The following RPS6KA6 variants were observed in gnomAD, a reference collection of about 807,000 sequenced individuals.
RPS6KA6 encodes the protein ribosomal protein S6 kinase alpha-6.
Under a neutral mutation model 65.4 loss-of-function variants are expected in RPS6KA6, and 27 were observed. The observed-to-expected ratio is 0.41, with a 90% CI of 0.30 to 0.57. The LOEUF is 0.57. Among genes scored for constraint, RPS6KA6 ranks in the 20% least tolerant of loss-of-function variants. The probability of loss-of-function intolerance (pLI) is 0.24; values close to 1 mark genes in which losing one functional copy is unlikely to be tolerated. For synonymous variants in RPS6KA6, 190 were observed against 184.2 expected, an observed-to-expected ratio of 1.03 and a Z score of -0.26; for missense variants, 486 against 555.6, an observed-to-expected ratio of 0.87 and a Z score of 1.26.
Position 84,058,993 on chromosome X carries a change from C to G in RPS6KA6, c.*5284G>C, listed in dbSNP as rs1287170788. The G allele has an allele frequency of 1.2e-4, 13 of 105,953 alleles. No individual in the cohort carries two copies. The highest frequency in any genetic ancestry group is 2.3e-4 in the Non-Finnish European group (12 of 51,619). The allele number at this position is 105,953 out of a possible 1,213,427, so 8.7% of individuals were successfully genotyped here. ...TTTTTTTTTTTATCAAACAGAAAAACCACCTTCTCCTTTTTTTTGTACTAT... is the reference window on the plus strand; with the variant it reads ...TTTTTTTTTTTATCAAACAGAAAAAGCACCTTCTCCTTTTTTTTGTACTAT... On this transcript the variant is annotated 3_prime_UTR_variant, in exon 22 of 22. Transcript: ENST00000262752.
At chrX:84,169,293 C>A (rs900458662) in intron 1 of RPS6KA6, among the ~76,000 whole-genome samples, 1 of 111,174 alleles carries the variant, frequency 9.0e-6, no homozygotes, top group African/African-American at 3.3e-5. Flanking sequence ...TACAAATATG[C>A]GGGACAAACA....
At chrX:84,151,139 G>C (rs1483786513) in intron 3 of RPS6KA6, among the ~76,000 whole-genome samples, 1 of 94,254 alleles carries the variant, frequency 1.1e-5, no homozygotes, top group African/African-American at 4.1e-5. Context: ...TAGATATATA[G>C]GATATATAGA....
At chrX:84,079,708 C>A (rs1406672801) in intron 20 of RPS6KA6, among the ~76,000 whole-genome samples, 1 of 111,900 alleles carries the variant, frequency 8.9e-6, no homozygotes, top group African/African-American at 3.2e-5. Context: ...CAAAGCCACC[C>A]GGAAAGTGAA....
chrX:84,142,290 G>C (rs1412044093), intron 6 of RPS6KA6, among the ~76,000 whole-genome samples: 2 of 110,821 alleles, frequency 1.8e-5, no homozygotes, highest in Admixed American at 1.9e-4. Context: ...AAATAGAAAG[G>C]AAATCATAAA....
Position 84,187,918 on chromosome X carries a change from C to G in RPS6KA6, c.-19G>C. The G allele has an allele frequency of 8.6e-7, 1 of 1,164,841 alleles. No individual in the cohort carries two copies. On this transcript the variant is annotated 5_prime_UTR_variant, in exon 1 of 22. Transcript: ENST00000262752. ...GTAGCATCTCCCCTTCAGGAGCACT[C>G]AAACAGGAGCTGCCGCCTACCGCTG... is the stretch of plus-strand genomic sequence containing the variant.
chrX:84,187,127 G>A (rs2035936824), intron 1 of RPS6KA6, among the ~76,000 whole-genome samples: 1 of 111,461 alleles, frequency 9.0e-6, no homozygotes, highest in Non-Finnish European at 1.9e-5. Context: ...CAGACCAACG[G>A]GGCAGGGACA....
chrX:84,121,322 A>G (rs927254737), intron 8 of RPS6KA6, among the ~76,000 whole-genome samples: 1 of 112,167 alleles, frequency 8.9e-6, no homozygotes, highest in African/African-American at 3.2e-5. Context: ...CCACTACATC[A>G]TTATAACTTA....
chrX:84,112,988 A>G (rs1018966345), intron 12 of RPS6KA6, among the ~76,000 whole-genome samples: 39 of 111,736 alleles, frequency 3.5e-4, no homozygotes, highest in African/African-American at 1.3e-3. Flanking sequence ...ACACATTGCA[A>G]TGAATACCAC....
rs1372815378 is a variant in RPS6KA6, at chrX:84,064,467, T to C, written c.2113-65A>G. Reference sequence around the variant, plus strand: ...CTGGAGTTAAAAAAAAAAAAAACTTTCACATGATATCATGAGACATATATC... The same window carrying C: ...CTGGAGTTAAAAAAAAAAAAAACTTCCACATGATATCATGAGACATATATC... On this transcript the variant is annotated intron_variant, in intron 21 of 21. Coordinates refer to ENST00000262752, the MANE Select transcript of RPS6KA6 (RefSeq NM_014496.5). The C allele has an allele frequency of 3.2e-6, 3 of 924,075 alleles. No individual in the cohort carries two copies. The African/African-American group carries it at 6.1e-5, about 19-fold the overall frequency. The allele number at this position is 924,075 out of a possible 1,213,427, so 76.2% of individuals were successfully genotyped here.
At chrX:84,102,516 A>G (rs189157750) in intron 17 of RPS6KA6, among the ~76,000 whole-genome samples, 17 of 110,836 alleles carry the variant, frequency 1.5e-4, no homozygotes, top group African/African-American at 5.2e-4. Context: ...AGCATTATAC[A>G]TAACATATAA....
In RPS6KA6 at chrX:84,059,114, C is replaced by CTTTTTTTTTTTTTTTTT. The variant is rs200378989; in HGVS notation, c.*5146_*5162dup. 3.5e-5 allele frequency: 1 copy of CTTTTTTTTTTTTTTTTT among 28,293 alleles called. No homozygotes were observed. The highest frequency in any genetic ancestry group is 5.9e-5 in the Non-Finnish European group (1 of 16,807). The allele number at this position is 28,293 out of a possible 1,213,427, so 2.3% of individuals were successfully genotyped here. On this transcript the variant is annotated 3_prime_UTR_variant, in exon 22 of 22. Coordinates refer to ENST00000262752, the MANE Select transcript of RPS6KA6 (RefSeq NM_014496.5). ...AACTTTTTAAATGGCTGTTTCTTTT[C>CTTTTTTTTTTTTTTTTT]TTTTTTTTTTTTTTTTTTTTTTTTT... is the stretch of plus-strand genomic sequence containing the variant.
chrX:84,150,078 C>A (rs2035272903), intron 3 of RPS6KA6, among the ~76,000 whole-genome samples: 1 of 64,977 alleles, frequency 1.5e-5, no homozygotes, highest in Non-Finnish European at 4.3e-5. Flanking sequence ...AAAATGGCTT[C>A]TTTCCTTTTT....
intron 8 of RPS6KA6, among the ~76,000 whole-genome samples, chrX:84,134,287 G>A (rs2034954796): frequency 9.0e-6 from 1 of 111,676 alleles, no homozygotes; most frequent in African/African-American, 3.2e-5. Context: ...AAATAGAGTT[G>A]TTATGAACAT....
At chrX:84,151,167 G>GAT (rs1197482830) in intron 3 of RPS6KA6, among the ~76,000 whole-genome samples, 55 of 94,691 alleles carry the variant, frequency 5.8e-4, no homozygotes, top group African/African-American at 2.0e-3. Context: ...AGGATATATA[G>GAT]ATATATATAT....
intron 6 of RPS6KA6, among the ~76,000 whole-genome samples, chrX:84,144,474 A>G (rs866018077): frequency 1.5e-4 from 17 of 111,482 alleles, no homozygotes; most frequent in Non-Finnish European, 2.7e-4. Context: ...CCACAATGGG[A>G]TACCACTAAA....
In RPS6KA6 at chrX:84,145,594, C is replaced by A. The variant is rs777357362; in HGVS notation, c.422-37G>T. On this transcript the variant is annotated intron_variant, in intron 5 of 21. Coordinates refer to ENST00000262752, the MANE Select transcript of RPS6KA6 (RefSeq NM_014496.5). ...TTAGAATATAGTAACAGGATAATCT[C>A]AAAGGCTTAAAAAGCTTAGTATGCT... 2.8e-5 allele frequency: 23 copies of A among 808,805 alleles called. No homozygotes were observed. The East Asian group carries it at 7.9e-4, about 28-fold the overall frequency. 66.7% of individuals were successfully genotyped at this position (808,805 alleles called of 1,213,427 possible).
At chrX:84,103,842 T>G (rs192857253) in intron 17 of RPS6KA6, among the ~76,000 whole-genome samples, 2 of 111,491 alleles carry the variant, frequency 1.8e-5, no homozygotes, top group African/African-American at 6.5e-5. Flanking sequence ...TTTCATTATG[T>G]CAATTCTAAA....
At chrX:84,164,918 G>A (rs1210825361) in intron 1 of RPS6KA6, among the ~76,000 whole-genome samples, 2 of 111,560 alleles carry the variant, frequency 1.8e-5, no homozygotes, top group Non-Finnish European at 3.8e-5. Flanking sequence ...GAGCTCAGTA[G>A]GTAATACTAC....
At chrX:84,106,766 C>T in intron 14 of RPS6KA6, 144 bp downstream of exon 14, 3 of 502,100 alleles carry the variant, frequency 6.0e-6, no homozygotes. Flanking sequence ...CCAAAACACA[C>T]AGGGACATAT....
Sources: allele counts gnomAD v4.1 joint callset (sites outside exome capture counted in the v4.1 genomes callset), GRCh38; gene constraint gnomAD v4.1.1; transcripts MANE v1.5; gene names NCBI Gene and HGNC (gene_info 2026-07-23, HGNC 2026-07-21).